Variants in MLIP observed in about 807,000 individuals in gnomAD.
MLIP encodes the protein muscular LMNA-interacting protein.
A neutral mutation model predicts 84.8 loss-of-function variants in MLIP; 79 were observed. The ratio of observed to expected loss-of-function variants is 0.93; its 90% CI spans 0.78 to 1.12. The LOEUF is 1.12. MLIP is among the 50% of genes most tolerant of loss of function. The pLI is 0.00. For missense variants in MLIP, 1,257 were observed against 1,160.6 expected (o/e 1.08, Z -1.21); for synonymous variants, 504 against 463.0 (o/e 1.09, Z -1.14).
At chr6:54,098,900 T>C (rs964677610) in intron 1 of MLIP, among the ~76,000 whole-genome samples, 2 of 152,048 alleles carry the variant, frequency 1.3e-5, no homozygotes, top group Admixed American at 1.3e-4. Context: ...AGTGAGAGAG[T>C]AAGAAATCTG....
chr6:54,225,774 A>T (rs1461863126), intron 11 of MLIP, among the ~76,000 whole-genome samples: 1 of 152,102 alleles, frequency 6.6e-6, no homozygotes, highest in Non-Finnish European at 1.5e-5. Flanking sequence ...ACAAAACAGA[A>T]CCCTTAAGGA....
intron 9 of MLIP, among the ~76,000 whole-genome samples, chr6:54,174,986 C>A (rs1299985793): frequency 2.0e-5 from 3 of 151,990 alleles, no homozygotes; most frequent in African/African-American, 7.2e-5. Context: ...GCTTCCCCAG[C>A]ATCATTTATT....
At chr6:54,121,867 A>G (rs1770485879) in intron 2 of MLIP, among the ~76,000 whole-genome samples, 1 of 152,200 alleles carries the variant, frequency 6.6e-6, no homozygotes, top group African/African-American at 2.4e-5. Context: ...CATTCTCTCA[A>G]ATGTTTCTTA....
At chr6:54,153,447 A>G (rs1201408334) in intron 5 of MLIP, among the ~76,000 whole-genome samples, 2 of 152,108 alleles carry the variant, frequency 1.3e-5, no homozygotes, top group African/African-American at 4.8e-5. Context: ...GACTACAGGT[A>G]CACAACACCA....
intron 5 of MLIP, among the ~76,000 whole-genome samples, chr6:54,156,193 C>A (rs946818562): frequency 6.6e-6 from 1 of 151,990 alleles, no homozygotes; most frequent in Non-Finnish European, 1.5e-5. Flanking sequence ...GTGTATATCA[C>A]AATGATACAT....
At chr6:54,117,408 G>T (rs953519220) in intron 1 of MLIP, among the ~76,000 whole-genome samples, 4 of 150,984 alleles carry the variant, frequency 2.6e-5, no homozygotes, top group African/African-American at 7.3e-5. Context: ...TAGAGAAGGG[G>T]TTTCACTGTG....
At chr6:54,233,452 G>A (rs1037154776) in intron 12 of MLIP, among the ~76,000 whole-genome samples, 2 of 151,764 alleles carry the variant, frequency 1.3e-5, no homozygotes, top group African/African-American at 4.8e-5. Context: ...TCCTGTGTTA[G>A]TTTGCTGAGA....
chr6:54,165,418 C>T (rs1775075269), intron 8 of MLIP, among the ~76,000 whole-genome samples: 2 of 151,854 alleles, frequency 1.3e-5, no homozygotes, highest in African/African-American at 4.8e-5. Context: ...CTATTTTCTC[C>T]CCAAAGGCTG....
chr6:54,111,309 A>G (rs911674692), upstream of MLIP: 23 of 1,209,192 alleles, frequency 1.9e-5, no homozygotes, highest in African/African-American at 3.1e-5. Context: ...AAAATTGTCA[A>G]AACAGAAATC....
At chr6:54,212,497 T>G (rs1277221663) in intron 11 of MLIP, among the ~76,000 whole-genome samples, 6 of 152,212 alleles carry the variant, frequency 3.9e-5, no homozygotes, top group Non-Finnish European at 7.3e-5. Flanking sequence ...TCATGACAAA[T>G]ACCCAGCTCT....
intron 1 of MLIP, among the ~76,000 whole-genome samples, chr6:54,075,234 C>A (rs948399253): frequency 2.4e-5 from 3 of 127,036 alleles, no homozygotes; most frequent in African/African-American, 8.9e-5. Context: ...GCAACAAGAG[C>A]CAAACTCCGT....
intron 10 of MLIP, among the ~76,000 whole-genome samples, chr6:54,197,276 TAGG>T: frequency 6.6e-6 from 1 of 152,172 alleles, no homozygotes; most frequent in South Asian, 2.1e-4. Context: ...GGACATCATT[TAGG>T]AGATGAGTGA....
intron 1 of MLIP, among the ~76,000 whole-genome samples, chr6:54,052,631 T>C (rs1015252948): frequency 3.3e-5 from 5 of 152,318 alleles, no homozygotes; most frequent in Admixed American, 3.3e-4. Flanking sequence ...CCCTGAGTTA[T>C]AATAATTAGT....
At chr6:54,194,515 G>A (rs2150690934) in intron 10 of MLIP, among the ~76,000 whole-genome samples, 1 of 152,056 alleles carries the variant, frequency 6.6e-6, no homozygotes, top group South Asian at 2.1e-4. Flanking sequence ...GGTCTTATGT[G>A]CCTTTATTTT....
chr6:54,222,743 G>A (rs1333317994), intron 11 of MLIP, among the ~76,000 whole-genome samples: 1 of 151,976 alleles, frequency 6.6e-6, no homozygotes, highest in African/African-American at 2.4e-5. Flanking sequence ...CCCAGAAGTG[G>A]GATCGATGCA....
At chr6:54,076,465 A>G (rs940661239) in intron 1 of MLIP, among the ~76,000 whole-genome samples, 3 of 152,196 alleles carry the variant, frequency 2.0e-5, no homozygotes, top group Admixed American at 2.0e-4. Flanking sequence ...TGGACCTATA[A>G]TTTGGAAAGA....
chr6:54,189,727 T>G, intron 9 of MLIP, 143 bp from the exon 10 acceptor site: 1 of 616,388 alleles, frequency 1.6e-6, no homozygotes. Context: ...TTTGGTGGCA[T>G]AAGGATATTT....
chr6:54,035,325 G>A (rs773008728), intron 1 of MLIP, among the ~76,000 whole-genome samples: 1 of 152,092 alleles, frequency 6.6e-6, no homozygotes, highest in African/African-American at 2.4e-5. Flanking sequence ...ATTATTCCAT[G>A]TTATAGCTCC....
At chr6:54,243,447 C>A (rs1215136399) in intron 12 of MLIP, among the ~76,000 whole-genome samples, 1 of 152,040 alleles carries the variant, frequency 6.6e-6, no homozygotes, top group Admixed American at 6.6e-5. Flanking sequence ...AATGAGTTAT[C>A]TGAACTGGGG....
Sources: gnomAD v4.1 joint callset for allele counts (sites outside exome capture counted in the v4.1 genomes callset) on GRCh38, gnomAD v4.1.1 for gene constraint, MANE v1.5 for transcripts, NCBI Gene and HGNC (gene_info 2026-07-23, HGNC 2026-07-21) for gene names.